Variants in TASP1 observed in about 807,000 individuals in gnomAD.
TASP1 encodes the protein threonine aspartase 1.
TASP1 carries 16 observed loss-of-function variants against 56.6 expected under a neutral mutation model. That is an observed-to-expected ratio of 0.28 (90% confidence interval 0.19 to 0.43). TASP1 has a LOEUF of 0.43. TASP1 is among the 20% of genes least tolerant of loss of function. TASP1 has a pLI of 1.00. For missense variants in TASP1, 393 were observed against 511.6 expected (o/e 0.77, Z 2.24); for synonymous variants, 179 against 184.2 (o/e 0.97, Z 0.23).
At chr20:13,220,471 C>T in the TASP1 span, among the ~76,000 whole-genome samples, 1 of 152,234 alleles carries the variant, frequency 6.6e-6, no homozygotes, top group African/African-American at 2.4e-5. Flanking sequence ...CGCCAGCCCC[C>T]AAATCCCCTC....
At chr20:13,537,423 T>C (rs1306144564) in intron 8 of TASP1, among the ~76,000 whole-genome samples, 4 of 152,172 alleles carry the variant, frequency 2.6e-5, no homozygotes, top group Non-Finnish European at 5.9e-5. Context: ...GAAGTAATAT[T>C]TAAGCATTTT....
chr20:13,172,693 G>A, the TASP1 span, among the ~76,000 whole-genome samples: 1 of 152,102 alleles, frequency 6.6e-6, no homozygotes, highest in African/African-American at 2.4e-5. Flanking sequence ...GTCCAGAAAA[G>A]TCTGTCTAAT....
chr20:13,600,228 C>T lies in TASP1; in HGVS notation c.283-12858G>A, dbSNP rs182467606. 6.8e-3 allele frequency among the ~76,000 whole-genome samples: 1,034 copies of T among 152,156 alleles called. 25 individuals carry two copies. The highest frequency in any genetic ancestry group is 6.2e-3 in the Non-Finnish European group (424 of 67,994). On this transcript the variant is annotated intron_variant, in intron 4 of 13. Coordinates refer to ENST00000337743, the MANE Select transcript of TASP1 (RefSeq NM_017714.3). ...TTCAACACAATCCCAATATAAATTC[C>T]GGCAGTCTTTCTCTTCTTGTAAAGA...
At chr20:13,210,616 CGTGTGTGTGT>C in the TASP1 span, among the ~76,000 whole-genome samples, 43 of 147,500 alleles carry the variant, frequency 2.9e-4, no homozygotes, top group African/African-American at 8.9e-4. Flanking sequence ...CATGTGCACA[CGTGTGTGTGT>C]GTGTGTGTGT....
chr20:13,336,738 A>C, the TASP1 span, among the ~76,000 whole-genome samples: 1 of 149,706 alleles, frequency 6.7e-6, no homozygotes, highest in Non-Finnish European at 1.5e-5. Flanking sequence ...TTTTCTGCCT[A>C]AAAAGTGAGA....
At chr20:13,269,720 C>G in the TASP1 span, among the ~76,000 whole-genome samples, 2 of 152,176 alleles carry the variant, frequency 1.3e-5, no homozygotes, top group Non-Finnish European at 1.5e-5. Context: ...AAGGTTTTCC[C>G]CAGCCACTCT....
At chr20:13,342,816 G>A in the TASP1 span, among the ~76,000 whole-genome samples, 4 of 152,268 alleles carry the variant, frequency 2.6e-5, no homozygotes, top group South Asian at 4.1e-4. Context: ...ACACACACCC[G>A]ACAGGGTGCC....
the TASP1 span, among the ~76,000 whole-genome samples, chr20:13,382,262 A>G: frequency 6.6e-6 from 1 of 152,360 alleles, no homozygotes; most frequent in South Asian, 2.1e-4. Flanking sequence ...TTATGCTCTT[A>G]GAACATTTTC....
intron 10 of TASP1, among the ~76,000 whole-genome samples, chr20:13,488,788 C>T (rs1377723408): frequency 1.3e-5 from 2 of 152,086 alleles, no homozygotes; most frequent in Admixed American, 6.6e-5. Context: ...TTGAGCACTC[C>T]AACTCCAACA....
the TASP1 span, among the ~76,000 whole-genome samples, chr20:13,316,090 T>C: frequency 2.0e-5 from 3 of 151,908 alleles, no homozygotes; most frequent in African/African-American, 7.2e-5. Context: ...AAATTACTAA[T>C]ATCAGAAATG....
chr20:13,454,122 G>C (rs778296298), intron 11 of TASP1, among the ~76,000 whole-genome samples: 1 of 151,910 alleles, frequency 6.6e-6, no homozygotes, highest in Non-Finnish European at 1.5e-5. Context: ...GGATGATGTT[G>C]AGGAGACAGA....
the TASP1 span, among the ~76,000 whole-genome samples, chr20:13,145,289 G>C: frequency 6.6e-6 from 1 of 152,110 alleles, no homozygotes; most frequent in South Asian, 2.1e-4. Flanking sequence ...CTTCAGCAAA[G>C]TTGCAGGAAA....
chr20:13,138,450 C>G, the TASP1 span, among the ~76,000 whole-genome samples: 8 of 152,128 alleles, frequency 5.3e-5, no homozygotes, highest in Admixed American at 3.9e-4. Context: ...CAGTCCCTTG[C>G]GGTTTTTACT....
the TASP1 span, among the ~76,000 whole-genome samples, chr20:13,163,864 C>T: frequency 6.6e-6 from 1 of 152,280 alleles, no homozygotes; most frequent in South Asian, 2.1e-4. Flanking sequence ...ACCAATACCA[C>T]AGGATTGGTG....
At chr20:13,423,020 A>AT (rs1356104785) in intron 12 of TASP1, among the ~76,000 whole-genome samples, 2 of 152,216 alleles carry the variant, frequency 1.3e-5, no homozygotes, top group Non-Finnish European at 2.9e-5. Context: ...ATTTCTAGAT[A>AT]TTTATTCCAC....
intron 11 of TASP1, among the ~76,000 whole-genome samples, chr20:13,465,155 A>G (rs1345276596): frequency 3.5e-5 from 5 of 144,556 alleles, no homozygotes; most frequent in African/African-American, 1.3e-4. Flanking sequence ...TAGGTGACAG[A>G]GCAAGACCCC....
chr20:13,622,025 A>G (rs2048733698), intron 4 of TASP1, among the ~76,000 whole-genome samples: 1 of 152,132 alleles, frequency 6.6e-6, no homozygotes, highest in African/African-American at 2.4e-5. Flanking sequence ...TTCTCCTCTT[A>G]TCCTCAACAT....
At chr20:13,393,353 G>A (rs892629512) in intron 13 of TASP1, 9 of 747,970 alleles carry the variant, frequency 1.2e-5, no homozygotes, top group Non-Finnish European at 1.9e-5. Context: ...TGAACAGGAA[G>A]CTCAATGGCA....
the TASP1 span, among the ~76,000 whole-genome samples, chr20:13,203,436 CAATTT>C: frequency 1.3e-5 from 2 of 152,188 alleles, no homozygotes; most frequent in African/African-American, 4.8e-5. Context: ...TGCAAACACT[CAATTT>C]AGTTCATGGA....
Sources: allele counts gnomAD v4.1 joint callset (sites outside exome capture counted in the v4.1 genomes callset), GRCh38; gene constraint gnomAD v4.1.1; transcripts MANE v1.5; gene names NCBI Gene and HGNC (gene_info 2026-07-23, HGNC 2026-07-21).